Variants in LMBR1 observed in about 807,000 individuals in gnomAD.
The protein encoded by LMBR1 is limb development membrane protein 1, also known as limb region 1 protein homolog.
In LMBR1, 52 loss-of-function variants were observed where a neutral mutation model predicts 73.9. The observed-to-expected ratio is 0.70, with a 90% CI of 0.56 to 0.89. LMBR1 has a LOEUF of 0.89. Among genes scored for constraint, LMBR1 ranks in the 40% least tolerant of loss-of-function variants. The probability of loss-of-function intolerance (pLI) is 0.00; values close to 1 mark genes in which losing one functional copy is unlikely to be tolerated. For missense variants in LMBR1, 539 were observed against 579.8 expected (o/e 0.93, Z 0.72); for synonymous variants, 215 against 209.4 (o/e 1.03, Z -0.23).
intron 15 of LMBR1, among the ~76,000 whole-genome samples, chr7:156,721,518 T>C (rs551436315): frequency 6.6e-6 from 1 of 152,242 alleles, no homozygotes; most frequent in Non-Finnish European, 1.5e-5. Flanking sequence ...ACCCTGAGAG[T>C]CTATTAAACT....
chr7:156,689,033 T>C (rs568622786), intron 15 of LMBR1, among the ~76,000 whole-genome samples: 95 of 152,290 alleles, frequency 6.2e-4, no homozygotes, highest in African/African-American at 1.9e-3. Flanking sequence ...AATATATGCA[T>C]TGAAGTTACT....
At chr7:156,697,811 T>C (rs1398265180) in intron 15 of LMBR1, among the ~76,000 whole-genome samples, 1 of 152,224 alleles carries the variant, frequency 6.6e-6, no homozygotes, top group Non-Finnish European at 1.5e-5. Flanking sequence ...GTTAACACAA[T>C]TATCACAGTG....
intron 15 of LMBR1, among the ~76,000 whole-genome samples, chr7:156,717,046 G>A (rs1035895189): frequency 6.6e-6 from 1 of 152,168 alleles, no homozygotes; most frequent in Non-Finnish European, 1.5e-5. Context: ...GGCTGGGGTG[G>A]GAGGATCACT....
In LMBR1 at chr7:156,756,577, C is replaced by T; in HGVS notation, c.685-112G>A. On this transcript the variant is annotated intron_variant, in intron 8 of 16. Transcript: ENST00000353442. Reference sequence around the variant, plus strand: ...TTAGGTAACGTATTCATTCAAATTTCTAAGAACACAAAACAAAAAAACTCC... The same window carrying T: ...TTAGGTAACGTATTCATTCAAATTTTTAAGAACACAAAACAAAAAAACTCC... 3 of 619,582 alleles carry T rather than the reference C, an allele frequency of 4.8e-6. No individual in the cohort carries two copies. In the East Asian group the frequency reaches 8.8e-5, roughly 18 times the overall value. 38.4% of individuals were successfully genotyped at this position (619,582 alleles called of 1,614,324 possible). A position where few individuals can be genotyped will look rare whatever the true frequency, so the allele number is the denominator to read the frequency against.
intron 1 of LMBR1, among the ~76,000 whole-genome samples, chr7:156,853,794 T>C (rs1434771252): frequency 6.6e-6 from 1 of 152,076 alleles, no homozygotes; most frequent in Non-Finnish European, 1.5e-5. Flanking sequence ...TAGCTGGGAT[T>C]ACAGGCACCT....
chr7:156,859,401 A>G (rs891728765), intron 1 of LMBR1, among the ~76,000 whole-genome samples: 1 of 152,208 alleles, frequency 6.6e-6, no homozygotes, highest in Non-Finnish European at 1.5e-5. Context: ...ATTTGGAAGA[A>G]AGAAATAAAA....
chr7:156,744,439 G>C (rs1819493775), intron 9 of LMBR1, among the ~76,000 whole-genome samples: 1 of 151,834 alleles, frequency 6.6e-6, no homozygotes, highest in African/African-American at 2.4e-5. Flanking sequence ...CTAGGAGTGT[G>C]TGGCCTTTTA....
rs542626010 is a variant in LMBR1, at chr7:156,873,988, C to A, written c.66+18940G>T. ...GCTGCAGGTGGAGCTGCCTGCCAGTCCCGCGCCATGCGCTCGTACTCCTCA... is the reference window on the plus strand; with the variant it reads ...GCTGCAGGTGGAGCTGCCTGCCAGTACCGCGCCATGCGCTCGTACTCCTCA... On this transcript the variant is annotated intron_variant, in intron 1 of 16. Coordinates refer to ENST00000353442, the MANE Select transcript of LMBR1 (RefSeq NM_022458.4). Among the ~76,000 whole-genome samples, 36 of 152,384 alleles carry A rather than the reference C, an allele frequency of 2.4e-4. No homozygotes were observed. In the East Asian group the frequency reaches 6.9e-3, roughly 29 times the overall value.
At chr7:156,707,957 A>G (rs1355569249) in intron 15 of LMBR1, among the ~76,000 whole-genome samples, 1 of 152,108 alleles carries the variant, frequency 6.6e-6, no homozygotes, top group African/African-American at 2.4e-5. Context: ...CCCCCACAAA[A>G]AAGCTCTTGG....
In LMBR1 at chr7:156,763,154, G is replaced by C; in HGVS notation, c.573C>G (p.Pro191=). 2 of 1,401,042 alleles carry C rather than the reference G, an allele frequency of 1.4e-6. No homozygotes were observed. The highest frequency in any genetic ancestry group is 1.5e-5 in the African/African-American group (1 of 68,710). The allele number at this position is 1,401,042 out of a possible 1,614,324, so 86.8% of individuals were successfully genotyped here. Residue 191 remains proline, a synonymous_variant, in exon 7 of 17, where the codon CCC becomes CCG. Coordinates refer to ENST00000353442, the MANE Select transcript of LMBR1 (RefSeq NM_022458.4). ...SLYDLWEFYL[P]YLYSCISLMG... Reference sequence around the variant, plus strand: ...TCAATGATATACAGGAATATAAATAGGGTAGATAGAACTCCCAGAGATCTA... The same window carrying C: ...TCAATGATATACAGGAATATAAATACGGTAGATAGAACTCCCAGAGATCTA...
rs1217561492 is a variant in LMBR1, at chr7:156,681,342, T to C, written c.*2736A>G. On this transcript the variant is annotated 3_prime_UTR_variant, in exon 17 of 17. Transcript: ENST00000353442. The stretch of plus-strand genomic sequence containing the variant: ...CGTCCATCTCTACTAACCAGCACCT[T>C]AGTGCAGCAATTTAAGGAGCTAACA... 1 of 306,702 alleles carries C rather than the reference T, an allele frequency of 3.3e-6. No individual in the cohort carries two copies. Among genetic ancestry groups the C allele is most frequent in the Non-Finnish European group, 6.3e-6 (1 of 158,868 alleles). The allele number at this position is 306,702 out of a possible 1,614,324, so 19.0% of individuals were successfully genotyped here. A position where few individuals can be genotyped will look rare whatever the true frequency, so the allele number is the denominator to read the frequency against.
At chr7:156,725,142 T>C (rs962697562) in intron 14 of LMBR1, among the ~76,000 whole-genome samples, 1 of 152,330 alleles carries the variant, frequency 6.6e-6, no homozygotes, top group Admixed American at 6.5e-5. Flanking sequence ...TCCAAGTTAC[T>C]CATTAGCAAT....
intron 1 of LMBR1, among the ~76,000 whole-genome samples, chr7:156,874,400 G>A (rs924094901): frequency 3.9e-5 from 6 of 152,208 alleles, no homozygotes; most frequent in South Asian, 2.1e-4. Context: ...ACACCTCCCC[G>A]CAAGCGAGGG....
rs1019294521 is a variant in LMBR1, at chr7:156,792,814, G to A, written c.423+3575C>T. Among the ~76,000 whole-genome samples the A allele has an allele frequency of 1.1e-4, 17 of 151,868 alleles. No homozygotes were observed. The highest frequency in any genetic ancestry group is 2.7e-4 in the African/African-American group (11 of 41,314). On this transcript the variant is annotated intron_variant, in intron 5 of 16. Coordinates refer to ENST00000353442, the MANE Select transcript of LMBR1 (RefSeq NM_022458.4). The stretch of plus-strand genomic sequence containing the variant: ...ATATGCAAGAAGCTGTTTGAACATC[G>A]ATTGCCCAGGGGAATCCATGGGAGT...
At position 156,669,834 on chromosome 7, in the gene LMBR1, G is replaced by T. The variant is rs1026337145; in HGVS notation, n.867-547C>A. Reference sequence around the variant, plus strand: ...GAGGCTCAAAATAACCAGATGAGACGTGCAGTTGGGCCTGCAGCACGCAGG... The same window carrying T: ...GAGGCTCAAAATAACCAGATGAGACTTGCAGTTGGGCCTGCAGCACGCAGG... On this transcript the variant is annotated intron_variant and non_coding_transcript_variant, in intron 4 of 4. Transcript: ENST00000430825. This position sits in a 1 kb window ranked among gnomAD's most constrained non-coding sequence, Gnocchi z 4.2. 6.6e-6 allele frequency among the ~76,000 whole-genome samples: 1 copy of T among 152,192 alleles called. No homozygotes were observed. The highest frequency in any genetic ancestry group is 1.5e-5 in the Non-Finnish European group (1 of 68,036).
chr7:156,754,278 T>A (rs764660138), intron 9 of LMBR1, among the ~76,000 whole-genome samples: 18 of 152,204 alleles, frequency 1.2e-4, no homozygotes, highest in Non-Finnish European at 2.1e-4. Flanking sequence ...CAAAACAAAC[T>A]GATACTGATT....
At chr7:156,815,030 C>T (rs1833680414) in intron 4 of LMBR1, among the ~76,000 whole-genome samples, 1 of 151,792 alleles carries the variant, frequency 6.6e-6, no homozygotes, top group Non-Finnish European at 1.5e-5. Flanking sequence ...GTGGCACACG[C>T]CTATAATCCC....
chr7:156,718,069 T>C (rs1813615079), intron 15 of LMBR1, among the ~76,000 whole-genome samples: 1 of 152,286 alleles, frequency 6.6e-6, no homozygotes, highest in East Asian at 1.9e-4. Context: ...AATTTGTTCA[T>C]CTATCTCAGA....
At chr7:156,815,002 C>T (rs373391847) in intron 4 of LMBR1, among the ~76,000 whole-genome samples, 39 of 151,704 alleles carry the variant, frequency 2.6e-4, no homozygotes, top group African/African-American at 9.2e-4. Context: ...ATTAAAAATA[C>T]AAAATTAGCC....
Sources: gnomAD v4.1 joint callset for allele counts (sites outside exome capture counted in the v4.1 genomes callset) on GRCh38, gnomAD v4.1.1 for gene constraint, Gnocchi (gnomAD v3.1) non-coding constraint, MANE v1.5 for transcripts, NCBI Gene and HGNC (gene_info 2026-07-23, HGNC 2026-07-21) for gene names.